The following ARMC10 variants were observed in gnomAD, a reference collection of about 807,000 sequenced individuals.
ARMC10 encodes armadillo repeat containing 10, also known as armadillo repeat-containing protein 10.
Under a neutral mutation model 30.2 loss-of-function variants are expected in ARMC10, and 23 were observed. That is an observed-to-expected ratio of 0.76 (90% CI 0.55 to 1.08). The LOEUF (loss-of-function observed/expected upper bound fraction) is 1.08. Ranked by LOEUF, ARMC10 falls within the 50% of genes least tolerant of loss-of-function variation. The pLI, the probability that ARMC10 is intolerant of heterozygous loss-of-function variation, is 0.00. For synonymous variants in ARMC10, 111 were observed against 164.4 expected (o/e 0.68, Z 2.48); for missense variants, 303 against 413.7 (o/e 0.73, Z 2.32).
At chr7:103,095,282 C>T (rs532824400) in intron 5 of ARMC10, among the ~76,000 whole-genome samples, 34 of 152,164 alleles carry the variant, frequency 2.2e-4, no homozygotes, top group Non-Finnish European at 4.3e-4. Context: ...TTGGTAGAGA[C>T]GGGGTTTTGC....
At chr7:103,094,487 T>C (rs1801608030) in intron 5 of ARMC10, among the ~76,000 whole-genome samples, 1 of 152,258 alleles carries the variant, frequency 6.6e-6, no homozygotes, top group Admixed American at 6.5e-5. Flanking sequence ...GGATACCAAA[T>C]AGCTATTGCT....
intron 2 of ARMC10, among the ~76,000 whole-genome samples, chr7:103,078,033 T>C (rs933416696): frequency 1.3e-5 from 2 of 152,120 alleles, no homozygotes; most frequent in Non-Finnish European, 2.9e-5. Flanking sequence ...TCGCACTCTG[T>C]CTCCCAGGCT....
At chr7:103,086,953 T>C (rs1262469099) in intron 4 of ARMC10, 189 bp downstream of exon 4, 2 of 1,440,986 alleles carry the variant, frequency 1.4e-6, no homozygotes, top group Non-Finnish European at 1.8e-6. Flanking sequence ...ATAAGACTTT[T>C]GTTTCAGTAA....
chr7:103,075,555 C>A, intron 1 of ARMC10, 144 bp downstream of exon 1: 1 of 999,340 alleles, frequency 1.0e-6, no homozygotes, highest in Non-Finnish European at 1.4e-6. Flanking sequence ...CAGGGTGCTG[C>A]GCCGCCCCCG....
intron 2 of ARMC10, among the ~76,000 whole-genome samples, chr7:103,082,508 T>A (rs79582810): frequency 1.3e-4 from 1 of 7,978 alleles, no homozygotes; most frequent in Non-Finnish European, 6.5e-3. Context: ...TTTACTTATT[T>A]TTTTTTTAAT....
intron 1 of ARMC10, 145 bp from the exon 2 acceptor site, chr7:103,075,632 C>G: frequency 2.3e-6 from 2 of 860,750 alleles, no homozygotes; most frequent in South Asian, 2.1e-5. Flanking sequence ...CTCCGCGTCA[C>G]AGCGGAGGAT....
At chr7:103,085,986 G>A (rs1800815235) in intron 3 of ARMC10, among the ~76,000 whole-genome samples, 1 of 151,992 alleles carries the variant, frequency 6.6e-6, no homozygotes, top group South Asian at 2.1e-4. Context: ...CACTTCCACT[G>A]CTGAAAAAAT....
rs533685400 is a variant in ARMC10 at position 103,099,735 on chromosome 7, T to C, written c.*1182T>C. On this transcript the variant is annotated 3_prime_UTR_variant, in exon 7 of 7. Transcript: ENST00000323716. ...ATATGAGCCCAAATTGTATAATCTT[T>C]TTTTAATAAAGGGGAGAAAAATCAC... is the stretch of plus-strand genomic sequence containing the variant. The C allele has an allele frequency of 2.6e-5, 4 of 152,222 alleles. No homozygotes were observed. Among genetic ancestry groups the C allele is most frequent in the African/African-American group, 9.6e-5 (4 of 41,546 alleles). 9.4% of individuals were successfully genotyped at this position (152,222 alleles called of 1,614,324 possible).
chr7:103,081,624 C>G (rs527336258), intron 2 of ARMC10, among the ~76,000 whole-genome samples: 4 of 152,358 alleles, frequency 2.6e-5, no homozygotes, highest in African/African-American at 9.6e-5. Flanking sequence ...ATCTGCCCGC[C>G]TCAGCCTCCC....
Position 103,075,206 on chromosome 7 carries a change from ACCTCCGCGCTGGCCCCCGCGAG to A in ARMC10, c.-61_-40del. 1 of 1,097,730 alleles carries A rather than the reference ACCTCCGCGCTGGCCCCCGCGAG, an allele frequency of 9.1e-7. No homozygotes were observed. Among genetic ancestry groups the A allele is most frequent in the Non-Finnish European group, 1.1e-6 (1 of 897,134 alleles). 68.0% of individuals were successfully genotyped at this position (1,097,730 alleles called of 1,614,324 possible). ...GCGGCTAGGCCCGCGTGCGCTGGAG[ACCTCCGCGCTGGCCCCCGCGAG>A]CCTCCTGCCCTGGCCCGGCGCTGCG... On this transcript the variant is annotated 5_prime_UTR_variant, in exon 1 of 7. Transcript: ENST00000323716.
chr7:103,082,709 T>C (rs1450472280), intron 2 of ARMC10, among the ~76,000 whole-genome samples: 1 of 152,116 alleles, frequency 6.6e-6, no homozygotes, highest in African/African-American at 2.4e-5. Flanking sequence ...CCTCCTCACC[T>C]ACCCTTGCCC....
At chr7:103,098,180 G>A (rs1430802583) in intron 6 of ARMC10, 119 bp from the exon 7 acceptor site, 2 of 1,088,542 alleles carry the variant, frequency 1.8e-6, no homozygotes, top group African/African-American at 3.3e-5. Flanking sequence ...CATTTTAAAT[G>A]TGAATTTAAA....
intron 3 of ARMC10, among the ~76,000 whole-genome samples, chr7:103,085,412 T>G (rs1356405442): frequency 3.9e-5 from 6 of 152,182 alleles, no homozygotes; most frequent in Non-Finnish European, 1.5e-5. Flanking sequence ...TTTGGCAGTC[T>G]TTTTCTTTTT....
chr7:103,092,404 G>GAAC, intron 4 of ARMC10, 73 bp from the exon 5 acceptor site: 2 of 1,092,648 alleles, frequency 1.8e-6, no homozygotes, highest in South Asian at 1.8e-5. Context: ...CTACTCCACT[G>GAAC]TGCAGAAAAG....
intron 4 of ARMC10, among the ~76,000 whole-genome samples, chr7:103,090,218 A>AT (rs1277507303): frequency 2.0e-5 from 3 of 152,254 alleles, no homozygotes; most frequent in Non-Finnish European, 4.4e-5. Flanking sequence ...TATAATAAGG[A>AT]TGTAAACAGT....
chr7:103,088,003 A>G (rs183223146), intron 4 of ARMC10, among the ~76,000 whole-genome samples: 1 of 152,336 alleles, frequency 6.6e-6, no homozygotes, highest in Non-Finnish European at 1.5e-5. Flanking sequence ...TGATCAGTCA[A>G]GAAGTATTAC....
At chr7:103,084,387 A>G (rs935802069) in intron 3 of ARMC10, among the ~76,000 whole-genome samples, 4 of 152,230 alleles carry the variant, frequency 2.6e-5, no homozygotes, top group African/African-American at 9.6e-5. Flanking sequence ...TTTTCAGCCA[A>G]TGCCCTTTGT....
At chr7:103,097,475 T>C in intron 6 of ARMC10, 127 bp downstream of exon 6, 1 of 585,254 alleles carries the variant, frequency 1.7e-6, no homozygotes. Context: ...TTAAAGGTGG[T>C]TTTTTAAATT....
rs765486235 is a variant in ARMC10 at position 103,092,502 on chromosome 7, A to T, written c.554A>T (p.Asp185Val). Reference protein sequence around the residue: ...IKIYISQVCEDVFSGPLNSAV... With the variant: ...IKIYISQVCEVVFSGPLNSAV... ...ATATACATCAGTCAAGTATGTGAGGATGTCTTCTCTGGTCCTCTGAACTCT... is the reference window on the plus strand; with the variant it reads ...ATATACATCAGTCAAGTATGTGAGGTTGTCTTCTCTGGTCCTCTGAACTCT... The change falls in exon 5 of 7, where the codon GAT (aspartate) becomes GTT (valine). Residue 185 changes from aspartate to valine, a missense_variant. Around this residue, in one of 4 missense-constraint regions of ARMC10, gnomAD observed 170 missense variants for 207.2 expected, o/e 0.82. Transcript: ENST00000323716. The T allele has an allele frequency of 6.3e-7, 1 of 1,590,692 alleles. No individual in the cohort carries two copies. The highest frequency in any genetic ancestry group is 8.6e-7 in the Non-Finnish European group (1 of 1,161,094).
Sources: gnomAD v4.1 joint callset for allele counts (sites outside exome capture counted in the v4.1 genomes callset) on GRCh38, gnomAD v4.1.1 for gene constraint, gnomAD v4.1.1 regional missense constraint, MANE v1.5 for transcripts, NCBI Gene and HGNC (gene_info 2026-07-23, HGNC 2026-07-21) for gene names.